The following TRIM2 variants were observed in gnomAD, a reference collection of about 807,000 sequenced individuals.
The protein encoded by TRIM2 is tripartite motif containing 2.
In TRIM2, 20 loss-of-function variants were observed where a neutral mutation model predicts 75.2. The ratio of observed to expected loss-of-function variants is 0.27; its 90% CI spans 0.19 to 0.39. The LOEUF (loss-of-function observed/expected upper bound fraction) is 0.39, where lower values mean the gene tolerates loss of function less well. Among genes scored for constraint, TRIM2 ranks in the 10% least tolerant of loss-of-function variants. The probability of loss-of-function intolerance (pLI) is 1.00; values close to 1 mark genes in which losing one functional copy is unlikely to be tolerated. For missense variants in TRIM2, 660 were observed against 990.8 expected (o/e 0.67, Z 4.48); for synonymous variants, 373 against 388.3 (o/e 0.96, Z 0.46).
intron 1 of TRIM2, among the ~76,000 whole-genome samples, chr4:153,255,893 C>G (rs544726301): frequency 6.6e-6 from 1 of 152,248 alleles, no homozygotes; most frequent in African/African-American, 2.4e-5. Flanking sequence ...ATAGGGAAAC[C>G]TTTAGCGACA....
chr4:153,330,374 AG>A (rs1027532026), intron 11 of TRIM2, among the ~76,000 whole-genome samples: 4 of 152,198 alleles, frequency 2.6e-5, no homozygotes, highest in African/African-American at 9.6e-5. Context: ...AGAAAGCTAC[AG>A]ACCATATTCC....
intron 1 of TRIM2, among the ~76,000 whole-genome samples, chr4:153,166,488 C>T (rs1279093345): frequency 7.8e-6 from 1 of 128,060 alleles, no homozygotes; most frequent in African/African-American, 2.6e-5. Flanking sequence ...CCCTCCCTCC[C>T]TTCCTTCCCT....
rs1772421655 is a variant in TRIM2, at chr4:153,336,166, T to C, written c.*1200T>C. 1.0e-6 allele frequency: 1 copy of C among 985,142 alleles called. No homozygotes were observed. The highest frequency in any genetic ancestry group is 1.8e-5 in the African/African-American group (1 of 57,054). The allele number at this position is 985,142 out of a possible 1,614,324, so 61.0% of individuals were successfully genotyped here. On this transcript the variant is annotated 3_prime_UTR_variant, in exon 12 of 12. Coordinates refer to ENST00000338700, the MANE Select transcript of TRIM2 (RefSeq NM_015271.5). ...CACATATATATAGCTGAATCTTTGGTGTATTGAAATAGGCAGCACTCTGAA... is the reference window on the plus strand; with the variant it reads ...CACATATATATAGCTGAATCTTTGGCGTATTGAAATAGGCAGCACTCTGAA...
intron 2 of TRIM2, among the ~76,000 whole-genome samples, chr4:153,273,429 C>T (rs1474738349): frequency 6.7e-6 from 1 of 148,490 alleles, no homozygotes; most frequent in Non-Finnish European, 1.5e-5. Context: ...GCGCCCGCCA[C>T]CACGCCCGGC....
At chr4:153,287,132 T>TA (rs1329878666) in intron 3 of TRIM2, among the ~76,000 whole-genome samples, 1 of 152,072 alleles carries the variant, frequency 6.6e-6, no homozygotes, top group Non-Finnish European at 1.5e-5. Flanking sequence ...CACACGCCAC[T>TA]ATGCTCAGCT....
chr4:153,288,214 A>G (rs915514327), intron 3 of TRIM2, among the ~76,000 whole-genome samples: 1 of 152,148 alleles, frequency 6.6e-6, no homozygotes, highest in African/African-American at 2.4e-5. Context: ...AGGCAGGCGG[A>G]TCACCTGAGG....
At chr4:153,267,747 TTCCTTCTC>T (rs1384421791) in intron 1 of TRIM2, among the ~76,000 whole-genome samples, 1 of 150,434 alleles carries the variant, frequency 6.6e-6, no homozygotes, top group African/African-American at 2.4e-5. Context: ...CCTTCCTTCC[TTCCTTCTC>T]TCTCTTTCTT....
At chr4:153,267,412 G>A (rs1339406847) in intron 1 of TRIM2, among the ~76,000 whole-genome samples, 1 of 152,176 alleles carries the variant, frequency 6.6e-6, no homozygotes, top group African/African-American at 2.4e-5. Context: ...CAGCACTTTG[G>A]GAGGCTGAGG....
chr4:153,293,777 A>G (rs568359014), intron 4 of TRIM2, among the ~76,000 whole-genome samples: 1 of 152,382 alleles, frequency 6.6e-6, no homozygotes, highest in East Asian at 1.9e-4. Context: ...GAAGTTCTCA[A>G]GAAACTGGGT....
At chr4:153,257,810 A>G (rs1752442828) in intron 1 of TRIM2, 1 of 350,498 alleles carries the variant, frequency 2.9e-6, no homozygotes, top group South Asian at 2.3e-5. Context: ...TGCCAGGTGG[A>G]TAACTGATTT....
intron 1 of TRIM2, among the ~76,000 whole-genome samples, chr4:153,255,532 G>T (rs1255772967): frequency 6.6e-6 from 1 of 152,204 alleles, no homozygotes; most frequent in Non-Finnish European, 1.5e-5. Flanking sequence ...CTGTCTGATG[G>T]CCTGTCTTAG....
chr4:153,230,990 C>T (rs772979577), intron 1 of TRIM2, among the ~76,000 whole-genome samples: 225 of 152,260 alleles, frequency 1.5e-3, no homozygotes, highest in Admixed American at 2.6e-3. Flanking sequence ...ATCTTAGAAG[C>T]GAGGAAACTA....
At chr4:153,164,588 T>C (rs1282627381) in intron 1 of TRIM2, among the ~76,000 whole-genome samples, 1 of 152,258 alleles carries the variant, frequency 6.6e-6, no homozygotes, top group East Asian at 1.9e-4. Context: ...GTCTCTTTCC[T>C]ACCCTGGTCC....
At chr4:153,281,154 A>C (rs1319261241) in intron 3 of TRIM2, among the ~76,000 whole-genome samples, 1 of 152,248 alleles carries the variant, frequency 6.6e-6, no homozygotes, top group African/African-American at 2.4e-5. Context: ...AATTAACTAC[A>C]AATTTTTTAA....
At chr4:153,244,388 T>TTCTTCC (rs1748232079) in intron 1 of TRIM2, among the ~76,000 whole-genome samples, 1 of 75,012 alleles carries the variant, frequency 1.3e-5, no homozygotes, top group Non-Finnish European at 2.3e-5. Context: ...CTTCTTCTTC[T>TTCTTCC]TCTTCTTCTT....
At chr4:153,166,488 C>CTCTTTTCTT (rs1484488027) in intron 1 of TRIM2, among the ~76,000 whole-genome samples, 1 of 128,060 alleles carries the variant, frequency 7.8e-6, no homozygotes, top group Admixed American at 7.7e-5. Context: ...CCCTCCCTCC[C>CTCTTTTCTT]TTCCTTCCCT....
At position 153,275,915 on chromosome 4, in the gene TRIM2, G is replaced by C. The variant is rs1299897569; in HGVS notation, c.238G>C (p.Ala80Pro). The C allele has an allele frequency of 1.9e-6, 3 of 1,613,972 alleles. No individual in the cohort carries two copies. Among genetic ancestry groups the C allele is most frequent in the Admixed American group, 3.3e-5 (2 of 59,986 alleles). The stretch of plus-strand genomic sequence containing the variant: ...CAGGTGCCTGCAGAACTACATTCCT[G>C]CCCACAGTTTAACCCTCTCCTGCCC... Reference protein sequence around the residue: ...CERCLQNYIPAHSLTLSCPVC... With the variant: ...CERCLQNYIPPHSLTLSCPVC... The change falls in exon 3 of 12, where the codon GCC becomes CCC. Residue 80 changes from alanine to proline, a missense_variant. By Grantham distance (27) the Ala-to-Pro change is conservative. Transcript: ENST00000338700.
At chr4:153,290,497 G>A (rs1353995265) in intron 3 of TRIM2, among the ~76,000 whole-genome samples, 2 of 152,176 alleles carry the variant, frequency 1.3e-5, no homozygotes, top group East Asian at 3.8e-4. Context: ...GCTTCTATAA[G>A]CTGTGCTTTC....
At chr4:153,192,536 G>A (rs527995932) in intron 1 of TRIM2, among the ~76,000 whole-genome samples, 22 of 149,126 alleles carry the variant, frequency 1.5e-4, no homozygotes, top group Admixed American at 4.7e-4. Context: ...GAGCCTGGAA[G>A]GTCAAGTTTA....
Sources: gnomAD v4.1 joint callset for allele counts (sites outside exome capture counted in the v4.1 genomes callset) on GRCh38, gnomAD v4.1.1 for gene constraint, MANE v1.5 for transcripts, NCBI Gene and HGNC (gene_info 2026-07-23, HGNC 2026-07-21) for gene names.